CD274: variants seen among roughly 807,000 people sequenced by gnomAD.
CD274 encodes the protein CD274 molecule, also known as programmed cell death 1 ligand 1.
A neutral mutation model predicts 30.1 loss-of-function variants in CD274; 8 were observed. That is an observed-to-expected ratio of 0.27 (90% CI 0.16 to 0.48). The LOEUF is 0.48. Ranked by LOEUF, CD274 falls within the 20% of genes least tolerant of loss-of-function variation. CD274 has a pLI of 0.99. For missense variants in CD274, 353 were observed against 346.6 expected, an observed-to-expected ratio of 1.02 and a Z score of -0.15; for synonymous variants, 152 against 124.6, an observed-to-expected ratio of 1.22 and a Z score of -1.46.
In CD274 at chr9:5,465,640, G is replaced by C. The variant is rs1479788396; in HGVS notation, c.790+34G>C. The C allele has an allele frequency of 4.8e-6, 6 of 1,253,588 alleles. No homozygotes were observed. In the Admixed American group the frequency reaches 5.1e-5, roughly 11 times the overall value. The allele number at this position is 1,253,588 out of a possible 1,614,324, so 77.7% of individuals were successfully genotyped here. A position where few individuals can be genotyped will look rare whatever the true frequency, so the allele number is the denominator to read the frequency against. On this transcript the variant is annotated intron_variant, in intron 5 of 6. Transcript: ENST00000381577. The stretch of plus-strand genomic sequence containing the variant: ...TCCTTAATTGCAGTGGTCTCCACTG[G>C]GGGTGAGGAAGGGGTGAGAATTGGA...
Position 5,455,960 on chromosome 9 carries a change from G to C in CD274, c.-14-140G>C, listed in dbSNP as rs12353029. 5,400 of 601,594 alleles carry C rather than the reference G, an allele frequency of 9.0e-3. 204 individuals carry two copies. In the African/African-American group the frequency reaches 0.09, roughly 10 times the overall value. The allele number at this position is 601,594 out of a possible 1,614,324, so 37.3% of individuals were successfully genotyped here. ...GAAGATATTGAACTTCCAATTCCCT[G>C]TTGGGTTTCCACAATTACAAGTCAA... On this transcript the variant is annotated intron_variant, in intron 1 of 6. Coordinates refer to ENST00000381577, the MANE Select transcript of CD274 (RefSeq NM_014143.4).
In CD274 at chr9:5,467,753, C is replaced by G. The variant is rs886163432; in HGVS notation, c.851-87C>G. The G allele has an allele frequency of 4.8e-6, 5 of 1,043,816 alleles. No homozygotes were observed. The African/African-American group carries it at 7.9e-5, about 16-fold the overall frequency. 64.7% of individuals were successfully genotyped at this position (1,043,816 alleles called of 1,614,324 possible). A position where few individuals can be genotyped will look rare whatever the true frequency, so the allele number is the denominator to read the frequency against. ...AATTTATCATTTATCATATCAGCAACTATGAGTTATGTTTTTTATTAGATT... is the reference window on the plus strand; with the variant it reads ...AATTTATCATTTATCATATCAGCAAGTATGAGTTATGTTTTTTATTAGATT... On this transcript the variant is annotated intron_variant, in intron 6 of 6. Coordinates refer to ENST00000381577, the MANE Select transcript of CD274 (RefSeq NM_014143.4).
intron 6 of CD274, among the ~76,000 whole-genome samples, chr9:5,467,164 C>T (rs1055414663): frequency 2.0e-5 from 3 of 151,580 alleles, no homozygotes; most frequent in African/African-American, 7.3e-5. Context: ...GCACCATGCA[C>T]GGTATCTCAT....
intron 3 of CD274, among the ~76,000 whole-genome samples, chr9:5,459,372 C>T (rs1447904343): frequency 6.6e-6 from 1 of 152,168 alleles, no homozygotes; most frequent in African/African-American, 2.4e-5. Flanking sequence ...ACAAGGCAAC[C>T]ACCAAGCTTC....
At chr9:5,467,738 T>C (rs1819520516) in intron 6 of CD274, 102 bp from the exon 7 acceptor site, 4 of 937,964 alleles carry the variant, frequency 4.3e-6, no homozygotes, top group Non-Finnish European at 7.0e-6. Flanking sequence ...AATTTATCAT[T>C]TATCATATCA....
At chr9:5,467,743 A>G (rs1340743057) in intron 6 of CD274, 97 bp from the exon 7 acceptor site, 17 of 955,610 alleles carry the variant, frequency 1.8e-5, no homozygotes, top group East Asian at 4.8e-5. Flanking sequence ...ATCATTTATC[A>G]TATCAGCAAC....
At chr9:5,453,362 A>G (rs145113689) in intron 1 of CD274, among the ~76,000 whole-genome samples, 258 of 152,350 alleles carry the variant, frequency 1.7e-3, no homozygotes, top group African/African-American at 5.8e-3. Flanking sequence ...ATGGGTGAAA[A>G]TACAGTGTAA....
At chr9:5,466,854 A>C in intron 6 of CD274, 25 bp downstream of exon 6, 1 of 1,562,450 alleles carries the variant, frequency 6.4e-7, no homozygotes, top group Non-Finnish European at 8.8e-7. Context: ...AGGAATTGGG[A>C]AGTAAAAGTC....
chr9:5,453,943 C>G (rs1819252730), intron 1 of CD274, among the ~76,000 whole-genome samples: 1 of 152,326 alleles, frequency 6.6e-6, no homozygotes, highest in South Asian at 2.1e-4. Context: ...CCAGGCATCA[C>G]CAGATGCTCC....
At chr9:5,454,796 A>C (rs1041024688) in intron 1 of CD274, among the ~76,000 whole-genome samples, 1 of 152,164 alleles carries the variant, frequency 6.6e-6, no homozygotes, top group Admixed American at 6.5e-5. Flanking sequence ...CTATTTGTTC[A>C]TATCTTCACA....
chr9:5,466,670 G>A (rs1819502016), intron 5 of CD274, 100 bp from the exon 6 acceptor site: 1 of 843,840 alleles, frequency 1.2e-6, no homozygotes, highest in Non-Finnish European at 1.9e-6. Flanking sequence ...ACTTCCTAGG[G>A]ATTACAAATG....
At chr9:5,463,223 G>C in intron 4 of CD274, 102 bp downstream of exon 4, 1 of 860,470 alleles carries the variant, frequency 1.2e-6, no homozygotes, top group Non-Finnish European at 1.9e-6. Context: ...TTGAATAAAT[G>C]AATGAATGAA....
chr9:5,454,861 G>C (rs1327924932), intron 1 of CD274, among the ~76,000 whole-genome samples: 1 of 152,050 alleles, frequency 6.6e-6, no homozygotes, highest in Non-Finnish European at 1.5e-5. Flanking sequence ...AGTGAAAATG[G>C]TATTTCATAT....
Position 5,468,984 on chromosome 9 carries a change from G to C in CD274, c.*1122G>C. On this transcript the variant is annotated 3_prime_UTR_variant, in exon 7 of 7. Transcript: ENST00000381577. Reference sequence around the variant, plus strand: ...CATAGTATAATGAGGAGATTAACAAGAAAATGTATTATTACAATTTAGTCC... The same window carrying C: ...CATAGTATAATGAGGAGATTAACAACAAAATGTATTATTACAATTTAGTCC... 1 of 233,090 alleles carries C rather than the reference G, an allele frequency of 4.3e-6. No individual in the cohort carries two copies. The highest frequency in any genetic ancestry group is 6.0e-5 in the East Asian group (1 of 16,580). 14.4% of individuals were successfully genotyped at this position (233,090 alleles called of 1,614,324 possible).
intron 3 of CD274, among the ~76,000 whole-genome samples, chr9:5,462,093 A>C (rs1476077855): frequency 6.6e-6 from 1 of 152,212 alleles, no homozygotes; most frequent in Non-Finnish European, 1.5e-5. Context: ...CTATCTTTGC[A>C]ACTTTTTTGT....
Position 5,469,285 on chromosome 9 carries a change from T to C in CD274, c.*1423T>C, listed in dbSNP as rs1819547891. ...GGTATTGTTTAACAGTTCTGTCTTT[T>C]CTATTTAAATGCCACTAAATTTTAA... On this transcript the variant is annotated 3_prime_UTR_variant, in exon 7 of 7. Coordinates refer to ENST00000381577, the MANE Select transcript of CD274 (RefSeq NM_014143.4). 1 of 232,810 alleles carries C rather than the reference T, an allele frequency of 4.3e-6. No individual in the cohort carries two copies. Among genetic ancestry groups the C allele is most frequent in the African/African-American group, 2.2e-5 (1 of 45,326 alleles). 14.4% of individuals were successfully genotyped at this position (232,810 alleles called of 1,614,324 possible).
chr9:5,463,217 A>G, intron 4 of CD274, 96 bp downstream of exon 4: 2 of 927,152 alleles, frequency 2.2e-6, no homozygotes, highest in South Asian at 1.5e-5. Context: ...TGATTGTTGA[A>G]TAAATGAATG....
rs1220062610 is a variant in CD274 at position 5,456,183 on chromosome 9, T to A, written c.52+18T>A. On this transcript the variant is annotated intron_variant, in intron 2 of 6. Transcript: ENST00000381577. ...GCTGAACGGTAAGACACCAAATCCT[T>A]CCATTAGGTTCTATATTTTAAATAT... 1.7e-5 allele frequency: 25 copies of A among 1,513,252 alleles called. No homozygotes were observed. Among genetic ancestry groups the A allele is most frequent in the Non-Finnish European group, 2.2e-5 (24 of 1,091,892 alleles). 93.7% of individuals were successfully genotyped at this position (1,513,252 alleles called of 1,614,324 possible).
intron 3 of CD274, among the ~76,000 whole-genome samples, chr9:5,460,765 A>G (rs764838814): frequency 6.6e-6 from 1 of 152,162 alleles, no homozygotes; most frequent in Admixed American, 6.5e-5. Context: ...CAACATTAGT[A>G]TAGTGTTCTG....
Sources: allele counts gnomAD v4.1 joint callset (sites outside exome capture counted in the v4.1 genomes callset), GRCh38; gene constraint gnomAD v4.1.1; transcripts MANE v1.5; gene names NCBI Gene and HGNC (gene_info 2026-07-23, HGNC 2026-07-21).